EXOC4: variants seen among roughly 807,000 people sequenced by gnomAD.
EXOC4 encodes SEC8-like 1.
A neutral mutation model predicts 107.2 loss-of-function variants in EXOC4; 71 were observed. That is an observed-to-expected ratio of 0.66 (90% CI 0.55 to 0.81). The LOEUF (loss-of-function observed/expected upper bound fraction) is 0.81, where lower values mean the gene tolerates loss of function less well. EXOC4 is among the 30% of genes least tolerant of loss of function. The probability of loss-of-function intolerance (pLI) is 0.00; values close to 1 mark genes in which losing one functional copy is unlikely to be tolerated. For missense variants in EXOC4, 1,108 were observed against 1,189.6 expected, an observed-to-expected ratio of 0.93 and a Z score of 1.01; for synonymous variants, 456 against 441.2, an observed-to-expected ratio of 1.03 and a Z score of -0.42.
intron 1 of EXOC4, 120 bp downstream of exon 1, chr7:133,253,307 G>GCCCCTCCCCAGGGCTCTAA: frequency 2.1e-6 from 3 of 1,439,522 alleles, no homozygotes; most frequent in Non-Finnish European, 2.7e-6. Context: ...GCCTCCCGCA[G>GCCCCTCCCCAGGGCTCTAA]CCCCTCCCCA....
intron 7 of EXOC4, among the ~76,000 whole-genome samples, chr7:133,432,086 A>G (rs764396008): frequency 1.8e-4 from 27 of 152,180 alleles, no homozygotes; most frequent in Non-Finnish European, 7.3e-5. Flanking sequence ...TCATAAGTCT[A>G]CTATGATCAT....
chr7:134,020,490 T>C (rs1795004133), intron 17 of EXOC4, among the ~76,000 whole-genome samples: 1 of 152,256 alleles, frequency 6.6e-6, no homozygotes, highest in African/African-American at 2.4e-5. Context: ...TTCTAGATTA[T>C]TTTAAATTAT....
intron 5 of EXOC4, among the ~76,000 whole-genome samples, chr7:133,337,574 C>T (rs1795546753): frequency 6.7e-6 from 1 of 149,468 alleles, no homozygotes; most frequent in Admixed American, 6.7e-5. Context: ...TTTCTTATGG[C>T]TTTAAAATTT....
At chr7:133,810,015 GTTC>G (rs1393014148) in intron 10 of EXOC4, among the ~76,000 whole-genome samples, 2 of 152,132 alleles carry the variant, frequency 1.3e-5, no homozygotes, top group African/African-American at 2.4e-5. Context: ...ACAATACTGT[GTTC>G]TTCTTTATAT....
At chr7:133,433,028 GT>G (rs374358060) in intron 7 of EXOC4, among the ~76,000 whole-genome samples, 9 of 152,240 alleles carry the variant, frequency 5.9e-5, no homozygotes, top group African/African-American at 2.2e-4. Flanking sequence ...CAATTTTACA[GT>G]TTTTTTCTGC....
intron 9 of EXOC4, among the ~76,000 whole-genome samples, chr7:133,529,101 T>C (rs1800133089): frequency 6.6e-6 from 1 of 152,180 alleles, no homozygotes; most frequent in Non-Finnish European, 1.5e-5. Flanking sequence ...CGTTACCACC[T>C]AGTGTTCTCT....
intron 3 of EXOC4, among the ~76,000 whole-genome samples, chr7:133,292,201 G>C (rs191175013): frequency 6.6e-6 from 1 of 152,224 alleles, no homozygotes; most frequent in African/African-American, 2.4e-5. Flanking sequence ...AAAATTAGAT[G>C]GGTGTGGTGG....
chr7:134,018,963 C>T (rs1794968446), intron 17 of EXOC4, among the ~76,000 whole-genome samples: 3 of 152,160 alleles, frequency 2.0e-5, no homozygotes, highest in South Asian at 4.1e-4. Context: ...CTGACTCTTG[C>T]TCTGTCACCC....
chr7:133,982,956 A>G (rs972560738), intron 14 of EXOC4, among the ~76,000 whole-genome samples: 3 of 152,196 alleles, frequency 2.0e-5, no homozygotes, highest in South Asian at 2.1e-4. Flanking sequence ...CTGTTCTTGC[A>G]CTACTATAAA....
downstream of EXOC4, among the ~76,000 whole-genome samples, chr7:134,069,118 T>C (rs1418092854): frequency 1.3e-5 from 2 of 152,160 alleles, no homozygotes; most frequent in Non-Finnish European, 2.9e-5. Flanking sequence ...TGCACTCTCT[T>C]CTGAGCTTTG....
At chr7:133,338,082 G>C (rs1795561502) in intron 5 of EXOC4, among the ~76,000 whole-genome samples, 1 of 147,386 alleles carries the variant, frequency 6.8e-6, no homozygotes, top group Admixed American at 6.8e-5. Flanking sequence ...TCTGTTCTCT[G>C]TCTCATTACT....
At position 133,857,147 on chromosome 7, in the gene EXOC4, C is replaced by CATATATAT. The variant is rs1798399519; in HGVS notation, c.1735-38452_1735-38451insATATATAT. The stretch of plus-strand genomic sequence containing the variant: ...ATATGTATATATATATACACATACA[C>CATATATAT]GTATATATATATATATATATATATA... On this transcript the variant is annotated intron_variant, in intron 11 of 17. Transcript: ENST00000253861. Among the ~76,000 whole-genome samples, 3 of 19,092 alleles carry CATATATAT rather than the reference C, an allele frequency of 1.6e-4. 1 individual carries two copies. Among genetic ancestry groups the CATATATAT allele is most frequent in the African/African-American group, 6.8e-4 (3 of 4,382 alleles). 12.5% of individuals were successfully genotyped at this position (19,092 alleles called of 152,430 possible). A position where few individuals can be genotyped will look rare whatever the true frequency, so the allele number is the denominator to read the frequency against.
At position 133,627,675 on chromosome 7, in the gene EXOC4, TAA is replaced by T. The variant is rs373284323; in HGVS notation, c.1418-2367_1418-2366del. 1.3e-3 allele frequency among the ~76,000 whole-genome samples: 192 copies of T among 152,316 alleles called. 1 individual carries two copies. Among genetic ancestry groups the T allele is most frequent in the African/African-American group, 4.4e-3 (184 of 41,578 alleles). ...TATGACCTTTCAAGGAGGATTTTAT[TAA>T]AAGTGTAGTGTTTGTGTCAGTCTTC... On this transcript the variant is annotated intron_variant, in intron 9 of 17. Coordinates refer to ENST00000253861, the MANE Select transcript of EXOC4 (RefSeq NM_021807.4).
At position 133,706,259 on chromosome 7, in the gene EXOC4, G is replaced by A. The variant is rs973662354; in HGVS notation, c.1514+76118G>A. Reference sequence around the variant, plus strand: ...TTAGCCTCAATATAATTAAATTATTGTACTAAAAATATCCAGATAAGTAAT... The same window carrying A: ...TTAGCCTCAATATAATTAAATTATTATACTAAAAATATCCAGATAAGTAAT... On this transcript the variant is annotated intron_variant, in intron 10 of 17. Transcript: ENST00000253861. 5.3e-5 allele frequency among the ~76,000 whole-genome samples: 8 copies of A among 152,008 alleles called. No homozygotes were observed. The South Asian group carries it at 6.2e-4, about 12-fold the overall frequency.
intron 11 of EXOC4, among the ~76,000 whole-genome samples, chr7:133,826,164 C>T (rs2151231069): frequency 6.6e-6 from 1 of 152,312 alleles, no homozygotes; most frequent in Middle Eastern, 3.4e-3. Context: ...CACCTGTTCA[C>T]TTCCAAGATA....
chr7:133,894,588 G>T lies in EXOC4; in HGVS notation c.1735-1011G>T, dbSNP rs1194024171. ...TCTACTTTTGGTCTTTCATGATGGT[G>T]ATGTACAGATGGGTTTTTGGTGTGG... is the stretch of plus-strand genomic sequence containing the variant. On this transcript the variant is annotated intron_variant, in intron 11 of 17. Transcript: ENST00000253861. Among the ~76,000 whole-genome samples the T allele has an allele frequency of 7.0e-5, 6 of 85,658 alleles. 1 individual carries two copies. The highest frequency in any genetic ancestry group is 1.2e-4 in the Non-Finnish European group (6 of 48,238). The allele number at this position is 85,658 out of a possible 152,430, so 56.2% of individuals were successfully genotyped here. A position where few individuals can be genotyped will look rare whatever the true frequency, so the allele number is the denominator to read the frequency against.
chr7:133,608,484 A>C (rs1802000446), intron 9 of EXOC4, among the ~76,000 whole-genome samples: 1 of 150,886 alleles, frequency 6.6e-6, no homozygotes, highest in Non-Finnish European at 1.5e-5. Context: ...TGTACTAAAG[A>C]CCCTAGTGGA....
At chr7:133,480,174 C>G in intron 9 of EXOC4, 36 bp downstream of exon 9, 2 of 1,608,224 alleles carry the variant, frequency 1.2e-6, no homozygotes, top group Non-Finnish European at 1.7e-6. Flanking sequence ...AATTAATTTT[C>G]TGGAGGAGTA....
intron 7 of EXOC4, among the ~76,000 whole-genome samples, chr7:133,419,358 A>G (rs1183873713): frequency 6.6e-6 from 1 of 152,184 alleles, no homozygotes; most frequent in Non-Finnish European, 1.5e-5. Flanking sequence ...GATGCAGTGA[A>G]GGAAGACGTT....
Sources: gnomAD v4.1 joint callset for allele counts (sites outside exome capture counted in the v4.1 genomes callset) on GRCh38, gnomAD v4.1.1 for gene constraint, MANE v1.5 for transcripts, NCBI Gene and HGNC (gene_info 2026-07-23, HGNC 2026-07-21) for gene names.